The following KIF13A variants were observed in gnomAD, a reference collection of about 807,000 sequenced individuals.
KIF13A encodes the protein kinesin-like protein KIF13A.
KIF13A carries 79 observed loss-of-function variants against 212.2 expected under a neutral mutation model. That is an observed-to-expected ratio of 0.37 (90% CI 0.31 to 0.45). The LOEUF is 0.45. Ranked by LOEUF, KIF13A falls within the 20% of genes least tolerant of loss-of-function variation. KIF13A has a pLI of 1.00. For missense variants in KIF13A, 1,901 were observed against 2,209.0 expected (o/e 0.86, Z 2.79); for synonymous variants, 789 against 808.6 (o/e 0.98, Z 0.41).
intron 2 of KIF13A, among the ~76,000 whole-genome samples, chr6:17,920,246 C>CT (rs1013692537): frequency 4.0e-5 from 6 of 151,744 alleles, no homozygotes; most frequent in African/African-American, 1.5e-4. Context: ...TGAAACATGT[C>CT]TAAAAAAAAA....
intron 4 of KIF13A, among the ~76,000 whole-genome samples, chr6:17,869,692 C>T (rs1769821739): frequency 6.6e-6 from 1 of 152,164 alleles, no homozygotes; most frequent in Non-Finnish European, 1.5e-5. Context: ...CGTGGAGGCT[C>T]TTCCTATAGC....
At chr6:17,861,844 G>A (rs960666408) in intron 4 of KIF13A, among the ~76,000 whole-genome samples, 10 of 151,722 alleles carry the variant, frequency 6.6e-5, no homozygotes, top group African/African-American at 1.7e-4. Flanking sequence ...TCTGCCTATC[G>A]GTCTTACCTT....
At chr6:17,930,194 A>T (rs2150534692) in intron 2 of KIF13A, among the ~76,000 whole-genome samples, 1 of 152,358 alleles carries the variant, frequency 6.6e-6, no homozygotes, top group East Asian at 1.9e-4. Context: ...CTGGAAAAAA[A>T]AGAAGCACAA....
Position 17,886,527 on chromosome 6 carries a change from G to C in KIF13A, c.159+11641C>G, listed in dbSNP as rs938645315. On this transcript the variant is annotated intron_variant, in intron 3 of 38. Transcript: ENST00000259711. This position sits in a 1 kb window ranked among gnomAD's most constrained non-coding sequence, Gnocchi z 5.6. Reference sequence around the variant, plus strand: ...ACAGGGAGATGGATCAACACCAAGAGACAAGGGAGATGGATATCTTTTCTT... The same window carrying C: ...ACAGGGAGATGGATCAACACCAAGACACAAGGGAGATGGATATCTTTTCTT... Among the ~76,000 whole-genome samples, 10 of 152,182 alleles carry C rather than the reference G, an allele frequency of 6.6e-5. No homozygotes were observed. In the East Asian group the frequency reaches 1.7e-3, roughly 26 times the overall value.
rs41267712 is a variant in KIF13A, at chr6:17,764,665, G to C, written c.4863C>G (p.Asp1621Glu). ...CATCCTTCGTCTGAATGGCCAGCTG[G>C]TCTGAGCTGTCACTAGAAGGGACCA... Reference protein sequence around the residue: ...DMVVPSSDSSDQLAIQTKDAD... With the variant: ...DMVVPSSDSSEQLAIQTKDAD... Residue 1621 changes from aspartate to glutamate, a missense_variant, in exon 39 of 39, where the codon GAC becomes GAG. Asp to Glu is a conservative substitution (Grantham distance 45). Coordinates refer to ENST00000259711, the MANE Select transcript of KIF13A (RefSeq NM_022113.6). The surrounding 1 kb of genome is among the most constrained non-coding windows in gnomAD (Gnocchi z 5.1). The C allele has an allele frequency of 8.3e-3, 13,455 of 1,613,880 alleles. 74 individuals carry two copies. The highest frequency in any genetic ancestry group is 0.01 in the Non-Finnish European group (12,069 of 1,179,854).
At chr6:17,824,537 A>AGG (rs1764768534) in intron 16 of KIF13A, among the ~76,000 whole-genome samples, 2 of 152,026 alleles carry the variant, frequency 1.3e-5, no homozygotes, top group Non-Finnish European at 2.9e-5. Context: ...AGACAGGCGG[A>AGG]TCACGAGGTC....
In KIF13A at chr6:17,886,229, C is replaced by G. The variant is rs538390407; in HGVS notation, c.159+11939G>C. On this transcript the variant is annotated intron_variant, in intron 3 of 38. Coordinates refer to ENST00000259711, the MANE Select transcript of KIF13A (RefSeq NM_022113.6). The surrounding 1 kb of genome is among the most constrained non-coding windows in gnomAD (Gnocchi z 5.6). ...TGGGTCTGGCTCAGAACTTCTGGAC[C>G]AAGACCTCATTTCTTGTGCCTATCT... 4.6e-4 allele frequency among the ~76,000 whole-genome samples: 70 copies of G among 152,280 alleles called. No homozygotes were observed. Among genetic ancestry groups the G allele is most frequent in the African/African-American group, 1.5e-3 (62 of 41,552 alleles).
At chr6:17,878,020 G>A (rs1277846072) in intron 3 of KIF13A, among the ~76,000 whole-genome samples, 4 of 152,196 alleles carry the variant, frequency 2.6e-5, no homozygotes, top group Non-Finnish European at 4.4e-5. Context: ...GCAAAGACTC[G>A]TGGAGCTCAT....
intron 4 of KIF13A, among the ~76,000 whole-genome samples, chr6:17,858,343 T>C (rs1768363566): frequency 1.3e-5 from 2 of 152,330 alleles, no homozygotes; most frequent in South Asian, 4.1e-4. Flanking sequence ...CCCAGGTCTG[T>C]TGTGAAGAGT....
chr6:17,804,334 C>T (rs1212656835), intron 20 of KIF13A, 27 bp downstream of exon 20: 3 of 1,471,904 alleles, frequency 2.0e-6, no homozygotes, highest in Admixed American at 2.6e-5. Context: ...GAACCACCAT[C>T]GTTCTCCAAG....
intron 17 of KIF13A, chr6:17,815,588 G>T (rs1190758633): frequency 2.3e-6 from 1 of 437,644 alleles, no homozygotes; most frequent in East Asian, 7.1e-5. Context: ...ACTTCTCACT[G>T]TGTCCCTTCA....
intron 2 of KIF13A, among the ~76,000 whole-genome samples, chr6:17,940,877 G>A (rs1776908711): frequency 1.3e-5 from 2 of 149,334 alleles, no homozygotes; most frequent in South Asian, 2.1e-4. Context: ...CCAGGCTGGA[G>A]TGCAATGGCG....
At position 17,918,526 on chromosome 6, in the gene KIF13A, A is replaced by G. The variant is rs554456379; in HGVS notation, c.147-20346T>C. 1.7e-3 allele frequency among the ~76,000 whole-genome samples: 255 copies of G among 152,322 alleles called. No individual in the cohort carries two copies. The highest frequency in any genetic ancestry group is 6.0e-3 in the African/African-American group (248 of 41,588). Reference sequence around the variant, plus strand: ...TACTGGATTACTCAGTAGCTCTTAAAGTGGCAGGTATCAAGTGGGGAAGCT... The same window carrying G: ...TACTGGATTACTCAGTAGCTCTTAAGGTGGCAGGTATCAAGTGGGGAAGCT... On this transcript the variant is annotated intron_variant, in intron 2 of 38. Coordinates refer to ENST00000259711, the MANE Select transcript of KIF13A (RefSeq NM_022113.6). This position sits in a 1 kb window ranked among gnomAD's most constrained non-coding sequence, Gnocchi z 4.8.
chr6:17,890,574 C>T (rs889525475), intron 3 of KIF13A, among the ~76,000 whole-genome samples: 2 of 151,826 alleles, frequency 1.3e-5, no homozygotes, highest in Admixed American at 6.6e-5. Flanking sequence ...CTGCCAAAAT[C>T]CAAAGTTAAT....
rs1309936852 is a variant in KIF13A at position 17,787,736 on chromosome 6, GA to G, written c.3361+39del. 9 of 1,192,410 alleles carry G rather than the reference GA, an allele frequency of 7.5e-6. No homozygotes were observed. In the South Asian group the frequency reaches 9.7e-5, roughly 13 times the overall value. 73.9% of individuals were successfully genotyped at this position (1,192,410 alleles called of 1,614,324 possible). ...CGACCTACTGCCATTGTGTAAAAGTGAAAAAGCTACTCCCCATAAAAGAGTT... is the reference window on the plus strand; with the variant it reads ...CGACCTACTGCCATTGTGTAAAAGTGAAAAGCTACTCCCCATAAAAGAGTT... On this transcript the variant is annotated intron_variant, in intron 27 of 38. Transcript: ENST00000259711. This position sits in a 1 kb window ranked among gnomAD's most constrained non-coding sequence, Gnocchi z 4.6.
chr6:17,985,882 C>G (rs1424134707), intron 2 of KIF13A, among the ~76,000 whole-genome samples: 1 of 152,182 alleles, frequency 6.6e-6, no homozygotes, highest in Non-Finnish European at 1.5e-5. Flanking sequence ...CCACCAGAAT[C>G]TGCTAAAGGT....
intron 2 of KIF13A, among the ~76,000 whole-genome samples, chr6:17,979,026 T>G (rs186758703): frequency 1.3e-4 from 20 of 152,364 alleles, no homozygotes; most frequent in Non-Finnish European, 2.4e-4. Flanking sequence ...GGCTCACGCC[T>G]GTAATCCCAG....
chr6:17,938,540 A>C (rs1428755619), intron 2 of KIF13A, among the ~76,000 whole-genome samples: 1 of 152,174 alleles, frequency 6.6e-6, no homozygotes, highest in African/African-American at 2.4e-5. Context: ...AATTGGGCTT[A>C]TTATATTGCG....
At chr6:17,975,593 C>CA (rs1561828012) in intron 2 of KIF13A, among the ~76,000 whole-genome samples, 2 of 152,144 alleles carry the variant, frequency 1.3e-5, no homozygotes, top group African/African-American at 4.8e-5. Flanking sequence ...AAGTTACTGC[C>CA]GCTAGTTCGG....
Sources: gnomAD v4.1 joint callset for allele counts (sites outside exome capture counted in the v4.1 genomes callset) on GRCh38, gnomAD v4.1.1 for gene constraint, Gnocchi (gnomAD v3.1) non-coding constraint, MANE v1.5 for transcripts, NCBI Gene and HGNC (gene_info 2026-07-23, HGNC 2026-07-21) for gene names.